Variants in ACOXL observed in about 807,000 individuals in gnomAD.
ACOXL encodes acyl-coenzyme A oxidase-like protein.
A neutral mutation model predicts 71.9 loss-of-function variants in ACOXL; 70 were observed. The observed-to-expected ratio is 0.97, with a 90% CI of 0.80 to 1.19. The LOEUF is 1.19. Ranked by LOEUF, ACOXL falls within the 50% of genes most tolerant of loss-of-function variation. ACOXL has a pLI of 0.00. For synonymous variants in ACOXL, 253 were observed against 281.6 expected (o/e 0.90, Z 1.02); for missense variants, 703 against 736.3 (o/e 0.95, Z 0.52).
intron 11 of ACOXL, among the ~76,000 whole-genome samples, chr2:110,911,441 C>T (rs2059646950): frequency 6.6e-6 from 1 of 151,962 alleles, no homozygotes; most frequent in African/African-American, 2.4e-5. Context: ...AGCAATATCA[C>T]TTATGAATAT....
rs2149342178 is a variant in ACOXL, at chr2:110,933,640, A to G, written c.1057A>G (p.Met353Val). 1 of 1,610,224 alleles carries G rather than the reference A, an allele frequency of 6.2e-7. No individual in the cohort carries two copies. Among genetic ancestry groups the G allele is most frequent in the Non-Finnish European group, 8.5e-7 (1 of 1,178,622 alleles). Residue 353 changes from methionine to valine, a missense_variant and splice_region_variant, in exon 12 of 18, where the codon ATG (methionine) becomes GTG (valine). Met to Val is a conservative substitution (Grantham distance 21, BLOSUM62 1). Coordinates refer to ENST00000439055, the MANE Select transcript of ACOXL (RefSeq NM_001142807.4). ...GGACTGCCGCGAGTGCACTGGAGGC[A>G]TGGTGAGCCCCAAGGCCTGCAGCCC... The part of the protein sequence containing the change: ...LQDCRECTGG[M>V]VVGRELLAQY...
chr2:110,828,791 A>G (rs1375464544), intron 9 of ACOXL, among the ~76,000 whole-genome samples: 1 of 151,964 alleles, frequency 6.6e-6, no homozygotes, highest in Non-Finnish European at 1.5e-5. Flanking sequence ...AGCTCTGAGG[A>G]ATCACCCACT....
At chr2:110,739,754 A>G (rs955374123) in intron 1 of ACOXL, among the ~76,000 whole-genome samples, 2 of 152,192 alleles carry the variant, frequency 1.3e-5, no homozygotes, top group East Asian at 1.9e-4. Context: ...TATACAACCC[A>G]GTGGCACCAG....
intron 10 of ACOXL, among the ~76,000 whole-genome samples, chr2:110,899,153 GCACC>G (rs1400519985): frequency 2.6e-5 from 4 of 152,162 alleles, no homozygotes; most frequent in African/African-American, 9.7e-5. Context: ...GAGCCTATGG[GCACC>G]CTTTACCTTT....
At chr2:110,922,933 G>A (rs1207570341) in intron 11 of ACOXL, among the ~76,000 whole-genome samples, 1 of 152,144 alleles carries the variant, frequency 6.6e-6, no homozygotes, top group Non-Finnish European at 1.5e-5. Flanking sequence ...TAATTTTCTT[G>A]ACTTGGGCCT....
chr2:111,030,535 G>A (rs2065218490), intron 14 of ACOXL, among the ~76,000 whole-genome samples: 2 of 152,290 alleles, frequency 1.3e-5, no homozygotes, highest in South Asian at 4.1e-4. Context: ...CAGCAGCGCT[G>A]TTTTTCCACC....
chr2:110,981,071 A>G (rs1048721437), intron 12 of ACOXL, among the ~76,000 whole-genome samples: 3 of 152,148 alleles, frequency 2.0e-5, no homozygotes, highest in African/African-American at 7.2e-5. Flanking sequence ...TATTGAAAGC[A>G]TGGACTCTGG....
At chr2:110,862,259 AG>A (rs908059644) in intron 10 of ACOXL, among the ~76,000 whole-genome samples, 13 of 152,188 alleles carry the variant, frequency 8.5e-5, no homozygotes, top group African/African-American at 3.1e-4. Context: ...CTGGAACACT[AG>A]AGTTTAATTT....
intron 12 of ACOXL, among the ~76,000 whole-genome samples, chr2:110,958,451 T>C (rs1438000212): frequency 1.3e-5 from 2 of 152,162 alleles, no homozygotes; most frequent in Non-Finnish European, 1.5e-5. Context: ...AGCACCACCA[T>C]AGCTGGGAAG....
chr2:110,796,788 G>C (rs1053320517), intron 5 of ACOXL, among the ~76,000 whole-genome samples: 3 of 152,202 alleles, frequency 2.0e-5, no homozygotes, highest in Non-Finnish European at 4.4e-5. Context: ...CAGCATGTCC[G>C]TTTATGTTTC....
intron 16 of ACOXL, among the ~76,000 whole-genome samples, chr2:111,062,643 C>T (rs755779426): frequency 6.3e-4 from 96 of 152,060 alleles, no homozygotes; most frequent in Admixed American, 1.0e-3. Context: ...AAATACAACA[C>T]GTCAAATTGG....
intron 12 of ACOXL, among the ~76,000 whole-genome samples, chr2:110,952,248 A>C (rs1298352182): frequency 6.6e-6 from 1 of 152,144 alleles, no homozygotes; most frequent in Non-Finnish European, 1.5e-5. Flanking sequence ...TCTTAGTTTT[A>C]AAATTTATCA....
chr2:110,949,557 A>T (rs1221936859), intron 12 of ACOXL, among the ~76,000 whole-genome samples: 1 of 152,210 alleles, frequency 6.6e-6, no homozygotes. Context: ...GGATTTACAA[A>T]GACAGACGAT....
chr2:110,755,797 A>G (rs1679595969), intron 1 of ACOXL, among the ~76,000 whole-genome samples: 1 of 152,214 alleles, frequency 6.6e-6, no homozygotes, highest in Admixed American at 6.5e-5. Flanking sequence ...CAAAAGTCAG[A>G]AAGCATAAAA....
At chr2:111,002,084 G>A (rs1483535) in intron 14 of ACOXL, among the ~76,000 whole-genome samples, 1 of 152,066 alleles carries the variant, frequency 6.6e-6, no homozygotes. Context: ...TGCAAATAAC[G>A]GAAACTTATG....
chr2:110,828,211 A>G (rs1433666096), intron 9 of ACOXL, among the ~76,000 whole-genome samples: 1 of 152,182 alleles, frequency 6.6e-6, no homozygotes, highest in Non-Finnish European at 1.5e-5. Flanking sequence ...AGCTCAAGCA[A>G]TCCACCTGCC....
rs562675067 is a variant in ACOXL, at chr2:110,792,633, T to C, written c.160-1017T>C. Among the ~76,000 whole-genome samples the C allele has an allele frequency of 1.9e-4, 29 of 151,722 alleles. 1 individual carries two copies. In the South Asian group the frequency reaches 5.2e-3, roughly 27 times the overall value. On this transcript the variant is annotated intron_variant, in intron 3 of 17. Transcript: ENST00000439055. ...AGCAAGACCTCATCTCTACTAAAAATAAAAAAAACTTAGCCAGGTGTGGTA... is the reference window on the plus strand; with the variant it reads ...AGCAAGACCTCATCTCTACTAAAAACAAAAAAAACTTAGCCAGGTGTGGTA...
At chr2:110,940,452 C>T (rs2060827409) in intron 12 of ACOXL, among the ~76,000 whole-genome samples, 1 of 152,064 alleles carries the variant, frequency 6.6e-6, no homozygotes, top group Non-Finnish European at 1.5e-5. Context: ...TTAATTTGGC[C>T]CTTGAGACTT....
At chr2:110,840,845 G>C (rs1691082369) in intron 9 of ACOXL, among the ~76,000 whole-genome samples, 1 of 152,210 alleles carries the variant, frequency 6.6e-6, no homozygotes, top group Non-Finnish European at 1.5e-5. Flanking sequence ...TGAGCTTATG[G>C]GATCAGTGTG....
Sources: gnomAD v4.1 joint callset for allele counts (sites outside exome capture counted in the v4.1 genomes callset) on GRCh38, gnomAD v4.1.1 for gene constraint, MANE v1.5 for transcripts, NCBI Gene and HGNC (gene_info 2026-07-23, HGNC 2026-07-21) for gene names.